The following ADGRL2 variants were observed in gnomAD, a reference collection of about 807,000 sequenced individuals.
ADGRL2 encodes the protein adhesion G protein-coupled receptor L2.
A neutral mutation model predicts 157.4 loss-of-function variants in ADGRL2; 44 were observed. The observed-to-expected ratio is 0.28, with a 90% CI of 0.22 to 0.36. ADGRL2 has a LOEUF of 0.36. Among genes scored for constraint, ADGRL2 ranks in the 10% least tolerant of loss-of-function variants. The pLI, the probability that ADGRL2 is intolerant of heterozygous loss-of-function variation, is 1.00. For synonymous variants in ADGRL2, 585 were observed against 624.7 expected (o/e 0.94, Z 0.95); for missense variants, 1,510 against 1,768.9 (o/e 0.85, Z 2.63).
At chr1:81,766,287 T>A (rs1360131952) in intron 2 of ADGRL2, among the ~76,000 whole-genome samples, 2 of 152,208 alleles carry the variant, frequency 1.3e-5, no homozygotes, top group African/African-American at 4.8e-5. Context: ...ACAGAATATC[T>A]TTCTTGATGA....
rs570479577 is a variant in ADGRL2 at position 81,393,155 on chromosome 1, C to T, written c.-301-51881C>T. Reference sequence around the variant, plus strand: ...GGAAAAAAGAAAATATAACTAGTTCCCTACTCTCTCATTAGAGAGGAGATA... The same window carrying T: ...GGAAAAAAGAAAATATAACTAGTTCTCTACTCTCTCATTAGAGAGGAGATA... On this transcript the variant is annotated intron_variant, in intron 1 of 24. Coordinates refer to the ADGRL2 transcript ENST00000370721. 3.3e-5 allele frequency among the ~76,000 whole-genome samples: 5 copies of T among 152,074 alleles called. No individual in the cohort carries two copies. In the South Asian group the frequency reaches 1.0e-3, roughly 32 times the overall value.
intron 1 of ADGRL2, among the ~76,000 whole-genome samples, chr1:81,807,986 T>C (rs1424315231): frequency 6.6e-6 from 1 of 151,652 alleles, no homozygotes; most frequent in Admixed American, 6.6e-5. Context: ...AAACCTCCTA[T>C]ATTTGACAAA....
At chr1:81,880,300 G>C (rs937425403) in intron 2 of ADGRL2, among the ~76,000 whole-genome samples, 3 of 152,204 alleles carry the variant, frequency 2.0e-5, no homozygotes, top group South Asian at 2.1e-4. Flanking sequence ...CTTTTTAAGG[G>C]TAAAATATAT....
At chr1:81,635,169 T>C (rs140782311) in intron 3 of ADGRL2, among the ~76,000 whole-genome samples, 60 of 152,274 alleles carry the variant, frequency 3.9e-4, no homozygotes, top group African/African-American at 7.2e-4. Context: ...GCCTCCGTCA[T>C]CCACAGCAGT....
intron 11 of ADGRL2, among the ~76,000 whole-genome samples, chr1:81,957,131 C>T (rs921854698): frequency 2.0e-5 from 3 of 151,418 alleles, no homozygotes; most frequent in East Asian, 3.9e-4. Flanking sequence ...TCAGTAATTA[C>T]CGAAGTGGCA....
intron 1 of ADGRL2, among the ~76,000 whole-genome samples, chr1:81,413,819 CACACAT>C (rs1018411617): frequency 1.1e-3 from 162 of 152,266 alleles, no homozygotes; most frequent in African/African-American, 3.7e-3. Flanking sequence ...TCTGTATATA[CACACAT>C]ACACATACAC....
rs185192994 is a variant in ADGRL2 at position 81,406,356 on chromosome 1, C to T, written c.-301-38680C>T. 9.8e-5 allele frequency among the ~76,000 whole-genome samples: 15 copies of T among 152,328 alleles called. No homozygotes were observed. The East Asian group carries it at 1.7e-3, about 18-fold the overall frequency. Reference sequence around the variant, plus strand: ...CCTTCACCTTGAAGGACAGACTACACGGGACCATAATGGCACAAATCTTGA... The same window carrying T: ...CCTTCACCTTGAAGGACAGACTACATGGGACCATAATGGCACAAATCTTGA... On this transcript the variant is annotated intron_variant, in intron 1 of 24. Coordinates refer to the ADGRL2 transcript ENST00000370721.
At chr1:81,632,112 A>G (rs561368173) in intron 3 of ADGRL2, among the ~76,000 whole-genome samples, 1 of 152,322 alleles carries the variant, frequency 6.6e-6, no homozygotes, top group Non-Finnish European at 1.5e-5. Context: ...TGTGTCAGGC[A>G]ATGTAATAGA....
intron 2 of ADGRL2, among the ~76,000 whole-genome samples, chr1:81,553,215 A>G (rs1192094877): frequency 2.6e-5 from 4 of 152,194 alleles, no homozygotes; most frequent in African/African-American, 9.6e-5. Context: ...TAAATATCAA[A>G]TCTTGATCCA....
intron 2 of ADGRL2, among the ~76,000 whole-genome samples, chr1:81,534,393 C>G (rs1171552974): frequency 6.6e-6 from 1 of 152,180 alleles, no homozygotes; most frequent in Non-Finnish European, 1.5e-5. Context: ...AACTTCTGAC[C>G]TCTGGTGATC....
intron 3 of ADGRL2, among the ~76,000 whole-genome samples, chr1:81,622,558 G>A (rs1190219090): frequency 6.6e-6 from 1 of 151,950 alleles, no homozygotes; most frequent in Non-Finnish European, 1.5e-5. Flanking sequence ...TCCAGCCTGG[G>A]CAACAGAGTG....
At chr1:81,855,418 G>T (rs1365269724) in intron 2 of ADGRL2, among the ~76,000 whole-genome samples, 2 of 152,048 alleles carry the variant, frequency 1.3e-5, no homozygotes, top group Non-Finnish European at 2.9e-5. Context: ...TTCAGCCTGG[G>T]CCACAGAGCG....
chr1:81,504,711 G>A (rs534239379), intron 2 of ADGRL2, among the ~76,000 whole-genome samples: 52 of 152,084 alleles, frequency 3.4e-4, no homozygotes, highest in Non-Finnish European at 4.4e-5. Flanking sequence ...CCCTGAAACC[G>A]TACCAGTTCT....
At chr1:81,677,026 G>GTTTTTTTTT in intron 3 of ADGRL2, among the ~76,000 whole-genome samples, 1 of 143,672 alleles carries the variant, frequency 7.0e-6, no homozygotes, top group Non-Finnish European at 1.5e-5. Context: ...CGCTCTTGTT[G>GTTTTTTTTT]CCCAGGCTGG....
intron 1 of ADGRL2, among the ~76,000 whole-genome samples, chr1:81,703,206 A>C (rs2083629392): frequency 6.6e-6 from 1 of 152,200 alleles, no homozygotes; most frequent in Admixed American, 6.5e-5. Flanking sequence ...GGGGAGAATA[A>C]TTGAAGATAG....
intron 1 of ADGRL2, among the ~76,000 whole-genome samples, chr1:81,437,163 C>T (rs970540427): frequency 2.2e-4 from 33 of 152,152 alleles, no homozygotes; most frequent in Non-Finnish European, 4.1e-4. Flanking sequence ...TGAACAAAAT[C>T]GCTGTTGCTG....
intron 1 of ADGRL2, among the ~76,000 whole-genome samples, chr1:81,336,159 A>G (rs1470064455): frequency 6.6e-6 from 1 of 152,204 alleles, no homozygotes. Context: ...CTACTATGCC[A>G]GCCTGCCACT....
intron 1 of ADGRL2, among the ~76,000 whole-genome samples, chr1:81,330,981 A>G (rs1263859841): frequency 6.6e-6 from 1 of 152,230 alleles, no homozygotes; most frequent in Non-Finnish European, 1.5e-5. Flanking sequence ...TGACTGAATC[A>G]TAAATTTCAC....
chr1:81,424,703 C>T (rs1398772079), intron 1 of ADGRL2, among the ~76,000 whole-genome samples: 1 of 152,156 alleles, frequency 6.6e-6, no homozygotes, highest in Non-Finnish European at 1.5e-5. Flanking sequence ...GGTGATGGTC[C>T]AAAGTCACAC....
Sources: gnomAD v4.1 joint callset for allele counts (sites outside exome capture counted in the v4.1 genomes callset) on GRCh38, gnomAD v4.1.1 for gene constraint, MANE v1.5 for transcripts, NCBI Gene and HGNC (gene_info 2026-07-23, HGNC 2026-07-21) for gene names.